CHST8: variants seen among roughly 807,000 people sequenced by gnomAD.
CHST8 encodes GALNAC-4-ST1.
Under a neutral mutation model 15.0 loss-of-function variants are expected in CHST8, and 10 were observed. That is an observed-to-expected ratio of 0.67 (90% CI 0.41 to 1.13). The LOEUF (loss-of-function observed/expected upper bound fraction) is 1.13. Among genes scored for constraint, CHST8 ranks in the 50% most tolerant of loss-of-function variants. CHST8 has a pLI of 0.00. For missense variants in CHST8, 634 were observed against 608.2 expected, an observed-to-expected ratio of 1.04 and a Z score of -0.45; for synonymous variants, 259 against 256.6, an observed-to-expected ratio of 1.01 and a Z score of -0.09.
chr19:33,690,433 C>T (rs1228011656), intron 3 of CHST8, among the ~76,000 whole-genome samples: 3 of 152,176 alleles, frequency 2.0e-5, no homozygotes, highest in Non-Finnish European at 4.4e-5. Flanking sequence ...TATGGACGAG[C>T]ACCCATGATG....
intron 3 of CHST8, among the ~76,000 whole-genome samples, chr19:33,693,141 G>A (rs1180450759): frequency 5.3e-5 from 8 of 151,588 alleles, no homozygotes; most frequent in Non-Finnish European, 1.0e-4. Flanking sequence ...CGAGTAGCTG[G>A]GATTACAGGC....
chr19:33,737,309 A>G (rs1395823843), intron 3 of CHST8, among the ~76,000 whole-genome samples: 1 of 152,206 alleles, frequency 6.6e-6, no homozygotes, highest in African/African-American at 2.4e-5. Context: ...TTTCCTGCAC[A>G]AAGCCAAGAA....
chr19:33,720,388 A>G (rs534830637), intron 3 of CHST8, among the ~76,000 whole-genome samples: 3 of 151,406 alleles, frequency 2.0e-5, no homozygotes, highest in African/African-American at 7.3e-5. Context: ...TACACCACAC[A>G]TGCACCACAC....
At chr19:33,672,217 G>A (rs1029614312) in intron 2 of CHST8, among the ~76,000 whole-genome samples, 2 of 151,922 alleles carry the variant, frequency 1.3e-5, no homozygotes, top group Non-Finnish European at 2.9e-5. Flanking sequence ...GTGTGGTGGG[G>A]TATAGAGTCT....
chr19:33,667,958 G>A (rs1972683703), intron 2 of CHST8, 115 bp downstream of exon 2: 1 of 152,274 alleles, frequency 6.6e-6, no homozygotes, highest in Non-Finnish European at 1.5e-5. Context: ...CGCCGAAGAC[G>A]TAGATTTATG....
At chr19:33,655,990 C>T (rs942291673) in intron 1 of CHST8, among the ~76,000 whole-genome samples, 3 of 152,004 alleles carry the variant, frequency 2.0e-5, no homozygotes, top group Admixed American at 6.6e-5. Flanking sequence ...TTCTTCTTTA[C>T]GAATAAAACA....
intron 2 of CHST8, among the ~76,000 whole-genome samples, chr19:33,686,770 G>C (rs993278567): frequency 2.0e-5 from 3 of 152,222 alleles, no homozygotes; most frequent in Non-Finnish European, 4.4e-5. Flanking sequence ...TCAGGGGCTC[G>C]CGACAGTTGC....
At chr19:33,712,427 A>G (rs1367846562) in intron 3 of CHST8, among the ~76,000 whole-genome samples, 1 of 152,006 alleles carries the variant, frequency 6.6e-6, no homozygotes, top group Non-Finnish European at 1.5e-5. Flanking sequence ...AGGTGAGGTG[A>G]CCCCTGGTTG....
At chr19:33,755,995 C>T (rs1974538115) in intron 3 of CHST8, among the ~76,000 whole-genome samples, 1 of 152,128 alleles carries the variant, frequency 6.6e-6, no homozygotes, top group South Asian at 2.1e-4. Flanking sequence ...TCCAGGAGCC[C>T]AGTAAGCTCC....
At chr19:33,724,433 G>C (rs1185405816) in intron 3 of CHST8, among the ~76,000 whole-genome samples, 1 of 152,220 alleles carries the variant, frequency 6.6e-6, no homozygotes, top group Non-Finnish European at 1.5e-5. Context: ...CCCCATCCGG[G>C]CTCAGCCAAG....
chr19:33,631,892 T>G (rs1392171414), intron 1 of CHST8, among the ~76,000 whole-genome samples: 1 of 152,146 alleles, frequency 6.6e-6, no homozygotes, highest in Non-Finnish European at 1.5e-5. Flanking sequence ...AGTTTCCTCA[T>G]CCACAAAACG....
chr19:33,700,442 G>A (rs1210359248), intron 3 of CHST8, among the ~76,000 whole-genome samples: 1 of 152,214 alleles, frequency 6.6e-6, no homozygotes, highest in African/African-American at 2.4e-5. Flanking sequence ...AGGCTGGCAA[G>A]GGCCACCTCG....
chr19:33,628,362 A>AAGG (rs753051399), intron 1 of CHST8, among the ~76,000 whole-genome samples: 4 of 152,200 alleles, frequency 2.6e-5, no homozygotes, highest in Admixed American at 6.5e-5. Context: ...TTGGGACTTT[A>AAGG]TCCTATGAAC....
intron 3 of CHST8, among the ~76,000 whole-genome samples, chr19:33,719,725 G>T (rs1218490681): frequency 6.9e-6 from 1 of 144,856 alleles, no homozygotes; most frequent in Non-Finnish European, 1.5e-5. Context: ...ATGGGGACCT[G>T]GAGCAATTTA....
At chr19:33,635,002 G>GC (rs1972174575) in intron 1 of CHST8, among the ~76,000 whole-genome samples, 1 of 152,118 alleles carries the variant, frequency 6.6e-6, no homozygotes, top group African/African-American at 2.4e-5. Context: ...AGTCCTCTAG[G>GC]CACTGGCCAT....
intron 3 of CHST8, among the ~76,000 whole-genome samples, chr19:33,766,096 C>T (rs1974835439): frequency 1.3e-5 from 2 of 152,052 alleles, no homozygotes; most frequent in South Asian, 4.1e-4. Flanking sequence ...CCCAGAATCA[C>T]ATGAGCCAGT....
intron 3 of CHST8, among the ~76,000 whole-genome samples, chr19:33,719,747 A>C (rs1386708212): frequency 5.2e-5 from 1 of 19,302 alleles, no homozygotes; most frequent in Non-Finnish European, 9.1e-5. Context: ...TGTGAGTTAC[A>C]AAAAAAAAAA....
intron 3 of CHST8, among the ~76,000 whole-genome samples, chr19:33,768,299 G>T (rs932873651): frequency 1.3e-5 from 2 of 152,118 alleles, no homozygotes; most frequent in African/African-American, 4.8e-5. Flanking sequence ...TTGTAGCCAG[G>T]TATGGTGGCT....
chr19:33,668,140 T>C (rs1972687101), intron 2 of CHST8, among the ~76,000 whole-genome samples: 1 of 152,132 alleles, frequency 6.6e-6, no homozygotes, highest in African/African-American at 2.4e-5. Flanking sequence ...GGTCCCAAGG[T>C]CCTTTCATCC....
Sources: gnomAD v4.1 joint callset for allele counts (sites outside exome capture counted in the v4.1 genomes callset) on GRCh38, gnomAD v4.1.1 for gene constraint, MANE v1.5 for transcripts, NCBI Gene and HGNC (gene_info 2026-07-23, HGNC 2026-07-21) for gene names.